RALGAPB: variants seen among roughly 807,000 people sequenced by gnomAD.
The protein encoded by RALGAPB is ral GTPase-activating protein subunit beta.
Under a neutral mutation model 161.1 loss-of-function variants are expected in RALGAPB, and 25 were observed. That is an observed-to-expected ratio of 0.16 (90% confidence interval 0.11 to 0.22). The LOEUF is 0.22. Among genes scored for constraint, RALGAPB ranks in the 10% least tolerant of loss-of-function variants. The pLI is 1.00. For missense variants in RALGAPB, 1,391 were observed against 1,815.2 expected (o/e 0.77, Z 4.25); for synonymous variants, 629 against 626.1 (o/e 1.00, Z -0.07).
rs1299276572 is a variant in RALGAPB, at chr20:38,506,109, T to C, written c.741-2968T>C. On this transcript the variant is annotated intron_variant, in intron 5 of 29. Coordinates refer to ENST00000262879, the MANE Select transcript of RALGAPB (RefSeq NM_020336.4). ...CAAATGAAGGGATGTGTATGCATTG[T>C]ATTAGGTATTATAAGTAATCTTGAG... Among the ~76,000 whole-genome samples the C allele has an allele frequency of 2.0e-5, 3 of 152,188 alleles. No individual in the cohort carries two copies. The East Asian group carries it at 5.8e-4, about 29-fold the overall frequency.
At chr20:38,558,987 A>C (rs930879908) in intron 23 of RALGAPB, among the ~76,000 whole-genome samples, 3 of 152,202 alleles carry the variant, frequency 2.0e-5, no homozygotes, top group African/African-American at 7.2e-5. Context: ...CTATGGTAAG[A>C]AGTATTTTGT....
At chr20:38,494,423 G>T (rs1009330093) in intron 3 of RALGAPB, among the ~76,000 whole-genome samples, 7 of 152,210 alleles carry the variant, frequency 4.6e-5, no homozygotes, top group Non-Finnish European at 8.8e-5. Flanking sequence ...CTGAGGTCAG[G>T]AGTTCCAGAC....
At position 38,546,324 on chromosome 20, in the gene RALGAPB, T is replaced by A; in HGVS notation, c.2796T>A (p.Ile932=). ...GTCTTGTGAATGAGACCACTTTGAT[T>A]AAATACTCCAGGCTGCCAACCATAA... ...PCSLVNETTL[I]KYSRLPTINK... Residue 932 remains isoleucine, a synonymous_variant, in exon 19 of 30, where the codon ATT becomes ATA. Coordinates refer to ENST00000262879, the MANE Select transcript of RALGAPB (RefSeq NM_020336.4). The A allele has an allele frequency of 1.2e-6, 2 of 1,614,150 alleles. No homozygotes were observed. The highest frequency in any genetic ancestry group is 1.7e-6 in the Non-Finnish European group (2 of 1,179,996).
chr20:38,531,085 T>C (rs537161109), intron 13 of RALGAPB, 82 bp from the exon 14 acceptor site: 1 of 1,176,158 alleles, frequency 8.5e-7, no homozygotes, highest in South Asian at 1.3e-5. Context: ...TTCTTATCTG[T>C]ACTATTAATC....
intron 26 of RALGAPB, among the ~76,000 whole-genome samples, chr20:38,568,299 A>G (rs1342267376): frequency 6.6e-6 from 1 of 152,202 alleles, no homozygotes; most frequent in African/African-American, 2.4e-5. Context: ...GGTTATCTCA[A>G]TAGATGGAGA....
intron 2 of RALGAPB, among the ~76,000 whole-genome samples, chr20:38,489,500 A>G (rs1160819371): frequency 6.6e-6 from 1 of 152,140 alleles, no homozygotes; most frequent in Non-Finnish European, 1.5e-5. Context: ...AAAAGTTGCC[A>G]TTGGGAAGTC....
At chr20:38,540,048 C>T (rs1332913590) in intron 17 of RALGAPB, 90 bp downstream of exon 17, 1 of 1,108,134 alleles carries the variant, frequency 9.0e-7, no homozygotes, top group Non-Finnish European at 1.3e-6. Context: ...AATTTAAATA[C>T]AGTATTGCAC....
chr20:38,566,960 G>C, intron 25 of RALGAPB, 136 bp from the exon 26 acceptor site: 1 of 1,411,486 alleles, frequency 7.1e-7, no homozygotes, highest in Non-Finnish European at 9.2e-7. Context: ...ACAGAAAAAA[G>C]TTTGTCAGCC....
intron 21 of RALGAPB, 152 bp downstream of exon 21, chr20:38,551,375 A>G (rs1478025704): frequency 2.2e-6 from 2 of 909,796 alleles, no homozygotes; most frequent in Middle Eastern, 2.6e-4. Context: ...TTTAAGACGA[A>G]TATAGATTGT....
chr20:38,536,590 A>G (rs1335806623), intron 16 of RALGAPB, among the ~76,000 whole-genome samples: 1 of 152,232 alleles, frequency 6.6e-6, no homozygotes, highest in Non-Finnish European at 1.5e-5. Context: ...TTCCCAGTGT[A>G]TGAGAGTTTC....
At chr20:38,521,065 C>T (rs367815127) in intron 9 of RALGAPB, among the ~76,000 whole-genome samples, 1 of 152,048 alleles carries the variant, frequency 6.6e-6, no homozygotes, top group Non-Finnish European at 1.5e-5. Flanking sequence ...TAGGGTTGCC[C>T]ATTTAATTAG....
intron 3 of RALGAPB, among the ~76,000 whole-genome samples, chr20:38,496,966 G>A (rs909672384): frequency 3.3e-5 from 5 of 152,070 alleles, no homozygotes; most frequent in Non-Finnish European, 7.4e-5. Context: ...AGAATACCAA[G>A]GCCATTCTGC....
At position 38,578,252 on chromosome 20, in the gene RALGAPB, G is replaced by A. The variant is rs2088508567; in HGVS notation, c.*3285G>A. Reference sequence around the variant, plus strand: ...TTTCCATGACAGCCTCTTTTCCTGAGTTGGAGAGATTGGAGGTGGTCTATC... The same window carrying A: ...TTTCCATGACAGCCTCTTTTCCTGAATTGGAGAGATTGGAGGTGGTCTATC... On this transcript the variant is annotated 3_prime_UTR_variant, in exon 30 of 30. Coordinates refer to ENST00000262879, the MANE Select transcript of RALGAPB (RefSeq NM_020336.4). 6.6e-6 allele frequency: 1 copy of A among 152,172 alleles called. No homozygotes were observed. The highest frequency in any genetic ancestry group is 2.4e-5 in the African/African-American group (1 of 41,430). The allele number at this position is 152,172 out of a possible 1,614,324, so 9.4% of individuals were successfully genotyped here.
At chr20:38,574,423 G>T (rs1416360043) in intron 29 of RALGAPB, 125 bp downstream of exon 29, 1 of 1,127,292 alleles carries the variant, frequency 8.9e-7, no homozygotes, top group African/African-American at 1.6e-5. Flanking sequence ...GAAATGGTAT[G>T]GCTCTTGTTA....
intron 4 of RALGAPB, 137 bp from the exon 5 acceptor site, chr20:38,499,310 A>G (rs563293178): frequency 2.4e-6 from 2 of 829,294 alleles, no homozygotes; most frequent in South Asian, 3.8e-5. Flanking sequence ...CATTTTTACT[A>G]TTAAATGATT....
In RALGAPB at chr20:38,488,613, A is replaced by G. The variant is rs978854842; in HGVS notation, c.181A>G (p.Lys61Glu). Reference sequence around the variant, plus strand: ...TAGTGAGAATTTGTTAAAAACTGACAAAGAAGTAAGTGTTTCTAAATTTCA... The same window carrying G: ...TAGTGAGAATTTGTTAAAAACTGACGAAGAAGTAAGTGTTTCTAAATTTCA... ...AGSENLLKTD[K>E]EVKWTMEVIC... The change falls in exon 2 of 30, where the codon AAA becomes GAA. Residue 61 changes from lysine (K) to glutamate (E), a missense_variant. Physicochemically the swap from Lys to Glu is moderately conservative, Grantham distance 56. Around this residue, in one of 3 missense-constraint regions of RALGAPB, gnomAD observed 946 missense variants for 1,257.2 expected, o/e 0.75. Transcript: ENST00000262879. The G allele has an allele frequency of 4.3e-6, 7 of 1,610,456 alleles. No individual in the cohort carries two copies. Among genetic ancestry groups the G allele is most frequent in the Admixed American group, 1.7e-5 (1 of 59,648 alleles).
Position 38,492,912 on chromosome 20 carries a change from A to G in RALGAPB, c.187-18A>G. On this transcript the variant is annotated intron_variant, in intron 2 of 29. Coordinates refer to ENST00000262879, the MANE Select transcript of RALGAPB (RefSeq NM_020336.4). ...AGGAACGTGTAATAATTCTATATGG[A>G]TATTTTCTTTTGTCTAGGTAAAATG... 4 of 1,566,474 alleles carry G rather than the reference A, an allele frequency of 2.6e-6. No individual in the cohort carries two copies. The highest frequency in any genetic ancestry group is 3.5e-6 in the Non-Finnish European group (4 of 1,137,600).
At chr20:38,510,976 C>T (rs556870078) in intron 6 of RALGAPB, among the ~76,000 whole-genome samples, 1 of 151,994 alleles carries the variant, frequency 6.6e-6, no homozygotes, top group African/African-American at 2.4e-5. Flanking sequence ...CTCACATAGT[C>T]GTTCAGAGAC....
intron 14 of RALGAPB, among the ~76,000 whole-genome samples, chr20:38,532,318 A>G (rs1055242183): frequency 6.6e-6 from 1 of 152,136 alleles, no homozygotes; most frequent in Non-Finnish European, 1.5e-5. Flanking sequence ...CGGCCTCCCA[A>G]AGTGCCGGGA....
Sources: allele counts gnomAD v4.1 joint callset (sites outside exome capture counted in the v4.1 genomes callset), GRCh38; gene constraint gnomAD v4.1.1; regional missense constraint gnomAD v4.1.1; transcripts MANE v1.5; gene names NCBI Gene and HGNC (gene_info 2026-07-23, HGNC 2026-07-21).